The following SLIT2 variants were observed in gnomAD, a reference collection of about 807,000 sequenced individuals.
SLIT2 encodes slit homolog 2 protein.
Under a neutral mutation model 185.7 loss-of-function variants are expected in SLIT2, and 41 were observed. The ratio of observed to expected loss-of-function variants is 0.22; its 90% CI spans 0.17 to 0.29. The LOEUF (loss-of-function observed/expected upper bound fraction) is 0.29. SLIT2 is among the 10% of genes least tolerant of loss of function. SLIT2 has a pLI of 1.00. For synonymous variants in SLIT2, 693 were observed against 680.2 expected (o/e 1.02, Z -0.29); for missense variants, 1,571 against 1,909.0 (o/e 0.82, Z 3.30).
intron 4 of SLIT2, among the ~76,000 whole-genome samples, chr4:20,286,365 A>G (rs1223387549): frequency 6.6e-6 from 1 of 151,790 alleles, no homozygotes; most frequent in African/African-American, 2.4e-5. Context: ...TCCACTTTCA[A>G]CTTCTGTCAG....
chr4:20,336,807 C>G (rs1720545139), intron 4 of SLIT2, among the ~76,000 whole-genome samples: 1 of 152,198 alleles, frequency 6.6e-6, no homozygotes, highest in African/African-American at 2.4e-5. Context: ...ATGAACTTTT[C>G]AGTCACTTAC....
chr4:20,579,795 C>G (rs971587013), intron 29 of SLIT2, among the ~76,000 whole-genome samples: 5 of 151,498 alleles, frequency 3.3e-5, no homozygotes, highest in African/African-American at 1.2e-4. Context: ...ATTGTTAACT[C>G]TCATGGACCA....
At chr4:20,571,593 G>C (rs1725610404) in intron 29 of SLIT2, among the ~76,000 whole-genome samples, 1 of 152,124 alleles carries the variant, frequency 6.6e-6, no homozygotes, top group Non-Finnish European at 1.5e-5. Flanking sequence ...CTTCATCCAA[G>C]TCTGCAGTTA....
intron 4 of SLIT2, among the ~76,000 whole-genome samples, chr4:20,434,925 A>T (rs1488598733): frequency 6.6e-6 from 1 of 152,202 alleles, no homozygotes; most frequent in Non-Finnish European, 1.5e-5. Context: ...TATCTTCCAC[A>T]TATTTGCTTA....
At chr4:20,481,488 C>T (rs1425415785) in intron 6 of SLIT2, among the ~76,000 whole-genome samples, 9 of 152,070 alleles carry the variant, frequency 5.9e-5, no homozygotes, top group South Asian at 2.1e-4. Context: ...ATACATTTTT[C>T]GAATTTTTTC....
intron 9 of SLIT2, among the ~76,000 whole-genome samples, chr4:20,492,811 A>T (rs376446852): frequency 6.6e-6 from 1 of 152,176 alleles, no homozygotes; most frequent in Non-Finnish European, 1.5e-5. Flanking sequence ...TTATTTAATT[A>T]TGATAATAAA....
intron 1 of SLIT2, among the ~76,000 whole-genome samples, chr4:20,256,311 T>A (rs1463702966): frequency 8.3e-6 from 1 of 120,912 alleles, no homozygotes; most frequent in East Asian, 5.6e-4. Context: ...AGGGAACTTT[T>A]TTTTTGGGGG....
At position 20,507,994 on chromosome 4, in the gene SLIT2, T is replaced by C. The variant is rs186051023; in HGVS notation, c.915-2501T>C. The stretch of plus-strand genomic sequence containing the variant: ...ATGAGTAAAGGCCAAAAAGAATTAC[T>C]CTTAACTGTCAATCAAAACATTCTA... On this transcript the variant is annotated intron_variant, in intron 9 of 36. Transcript: ENST00000504154. Among the ~76,000 whole-genome samples the C allele has an allele frequency of 1.5e-3, 223 of 152,150 alleles. 1 individual carries two copies. The highest frequency in any genetic ancestry group is 2.1e-3 in the Non-Finnish European group (145 of 67,900).
At chr4:20,589,516 T>A (rs896648907) in intron 29 of SLIT2, 128 bp from the exon 30 acceptor site, 5 of 708,442 alleles carry the variant, frequency 7.1e-6, no homozygotes, top group Non-Finnish European at 1.2e-5. Context: ...TTGTTTTGGG[T>A]TTTTTGCTTT....
At chr4:20,510,680 T>C in intron 10 of SLIT2, 114 bp downstream of exon 10, 1 of 629,366 alleles carries the variant, frequency 1.6e-6, no homozygotes, top group East Asian at 2.7e-5. Flanking sequence ...AAATATTAAG[T>C]GATGTGACTG....
chr4:20,456,198 A>AT (rs5856559), intron 4 of SLIT2, among the ~76,000 whole-genome samples: 113,334 of 151,896 alleles, frequency 0.75, 42,659 homozygotes, highest in African/African-American at 0.83. Flanking sequence ...GGTCCTCTTA[A>AT]TTTTTGCTCT....
chr4:20,318,951 A>G (rs1718824009), intron 4 of SLIT2, among the ~76,000 whole-genome samples: 1 of 152,160 alleles, frequency 6.6e-6, no homozygotes, highest in South Asian at 2.1e-4. Context: ...TTAGAGACTT[A>G]TAGACATTTA....
At chr4:20,323,012 C>T (rs1719237044) in intron 4 of SLIT2, among the ~76,000 whole-genome samples, 1 of 152,162 alleles carries the variant, frequency 6.6e-6, no homozygotes, top group South Asian at 2.1e-4. Context: ...ATTAGATCCT[C>T]ATCACAACCC....
chr4:20,450,025 G>A (rs929583927), intron 4 of SLIT2, among the ~76,000 whole-genome samples: 1 of 152,078 alleles, frequency 6.6e-6, no homozygotes, highest in Non-Finnish European at 1.5e-5. Context: ...AGTATAGTTA[G>A]TAACTAAGAA....
intron 25 of SLIT2, among the ~76,000 whole-genome samples, chr4:20,552,970 T>C (rs1723909575): frequency 6.6e-6 from 1 of 152,198 alleles, no homozygotes; most frequent in South Asian, 2.1e-4. Context: ...TATAAATGGC[T>C]TATCCCAGCT....
chr4:20,490,500 A>G (rs1406593676), intron 8 of SLIT2, among the ~76,000 whole-genome samples: 3 of 152,164 alleles, frequency 2.0e-5, no homozygotes, highest in Non-Finnish European at 4.4e-5. Flanking sequence ...CTTCAGAAGT[A>G]TCTGTTCAAA....
intron 29 of SLIT2, among the ~76,000 whole-genome samples, chr4:20,575,202 T>G (rs1725988288): frequency 6.6e-6 from 1 of 152,214 alleles, no homozygotes; most frequent in African/African-American, 2.4e-5. Context: ...GCCATGTGGT[T>G]TCATGTGTTG....
At chr4:20,486,073 C>T (rs549601383) in intron 6 of SLIT2, 127 bp from the exon 7 acceptor site, 3 of 659,138 alleles carry the variant, frequency 4.6e-6, no homozygotes, top group Non-Finnish European at 8.2e-6. Context: ...AGTGCATTCT[C>T]TATGTCATCT....
intron 4 of SLIT2, among the ~76,000 whole-genome samples, chr4:20,396,066 GGT>G: frequency 6.6e-6 from 1 of 151,666 alleles, no homozygotes; most frequent in Non-Finnish European, 1.5e-5. Context: ...CTGTCATCCA[GGT>G]ACATACCTTG....
Sources: gnomAD v4.1 joint callset for allele counts (sites outside exome capture counted in the v4.1 genomes callset) on GRCh38, gnomAD v4.1.1 for gene constraint, MANE v1.5 for transcripts, NCBI Gene and HGNC (gene_info 2026-07-23, HGNC 2026-07-21) for gene names.